The following VPS37A variants were observed in gnomAD, a reference collection of about 807,000 sequenced individuals.
VPS37A encodes VPS37A subunit of ESCRT-I, also known as vacuolar protein sorting-associated protein 37A.
Under a neutral mutation model 49.8 loss-of-function variants are expected in VPS37A, and 30 were observed. That is an observed-to-expected ratio of 0.60 (90% CI 0.45 to 0.82). VPS37A has a LOEUF of 0.82. Among genes scored for constraint, VPS37A ranks in the 40% least tolerant of loss-of-function variants. The pLI is 0.00. For synonymous variants in VPS37A, 195 were observed against 160.6 expected (o/e 1.21, Z -1.62); for missense variants, 593 against 464.4 (o/e 1.28, Z -2.55).
downstream of VPS37A, among the ~76,000 whole-genome samples, chr8:17,304,034 C>T (rs1817295265): frequency 1.3e-5 from 2 of 152,166 alleles, no homozygotes. Flanking sequence ...AACCTTAACA[C>T]GTCATGATCA....
chr8:17,248,423 C>T (rs1233826924), intron 1 of VPS37A: 3 of 453,420 alleles, frequency 6.6e-6, no homozygotes, highest in Non-Finnish European at 1.3e-5. Flanking sequence ...TACAGGTGCG[C>T]GCCACCATGC....
At chr8:17,265,420 A>G (rs1201720727) in intron 1 of VPS37A, among the ~76,000 whole-genome samples, 1 of 152,090 alleles carries the variant, frequency 6.6e-6, no homozygotes, top group African/African-American at 2.4e-5. Flanking sequence ...AAAAAAGGGG[A>G]TATTTGTTTT....
intron 1 of VPS37A, among the ~76,000 whole-genome samples, chr8:17,255,682 CACTA>C (rs1812385815): frequency 6.6e-6 from 1 of 152,148 alleles, no homozygotes; most frequent in African/African-American, 2.4e-5. Context: ...TATTTAAACT[CACTA>C]ATTAATTTCA....
intron 1 of VPS37A, among the ~76,000 whole-genome samples, chr8:17,250,176 A>G (rs563819012): frequency 2.6e-5 from 4 of 152,304 alleles, no homozygotes; most frequent in African/African-American, 9.6e-5. Context: ...GACTTCTTCA[A>G]TGGAGAAAGA....
intron 10 of VPS37A, 131 bp downstream of exon 10, chr8:17,284,747 C>T (rs1259692425): frequency 2.6e-6 from 3 of 1,157,206 alleles, no homozygotes; most frequent in African/African-American, 3.3e-5. Context: ...AATATATTTA[C>T]CTGAAAGGAA....
the VPS37A span, among the ~76,000 whole-genome samples, chr8:17,308,792 C>A: frequency 2.0e-5 from 3 of 152,154 alleles, no homozygotes; most frequent in Admixed American, 6.5e-5. Context: ...AATATCATGG[C>A]CTGGATCTGG....
At chr8:17,251,998 T>C (rs1812024609) in intron 1 of VPS37A, among the ~76,000 whole-genome samples, 1 of 152,174 alleles carries the variant, frequency 6.6e-6, no homozygotes, top group African/African-American at 2.4e-5. Context: ...TTCTATAGAA[T>C]TCATTCTCAG....
intron 1 of VPS37A, among the ~76,000 whole-genome samples, chr8:17,253,352 C>T (rs1052678418): frequency 1.3e-5 from 2 of 152,164 alleles, no homozygotes; most frequent in Non-Finnish European, 2.9e-5. Flanking sequence ...CACATTGCTG[C>T]CAGAGTAATC....
At chr8:17,333,420 G>A in the VPS37A span, among the ~76,000 whole-genome samples, 1 of 152,080 alleles carries the variant, frequency 6.6e-6, no homozygotes, top group South Asian at 2.1e-4. Context: ...TTTATAACAA[G>A]CATCATAAAT....
chr8:17,263,017 C>T (rs1322593358), intron 1 of VPS37A, among the ~76,000 whole-genome samples: 6 of 149,176 alleles, frequency 4.0e-5, no homozygotes, highest in Non-Finnish European at 7.4e-5. Context: ...GCCGAGATCT[C>T]GCCATTGCAC....
downstream of VPS37A, among the ~76,000 whole-genome samples, chr8:17,300,854 T>C (rs1817063658): frequency 6.6e-6 from 1 of 152,250 alleles, no homozygotes; most frequent in Admixed American, 6.5e-5. Flanking sequence ...TTTATATAAA[T>C]TGAATGGAAT....
chr8:17,275,057 C>A, intron 5 of VPS37A, 99 bp downstream of exon 5: 3 of 1,123,362 alleles, frequency 2.7e-6, no homozygotes, highest in Non-Finnish European at 2.5e-6. Flanking sequence ...ATAAGTTAGA[C>A]ACAAAATATG....
At chr8:17,307,492 T>C in the VPS37A span, among the ~76,000 whole-genome samples, 1 of 152,210 alleles carries the variant, frequency 6.6e-6, no homozygotes, top group East Asian at 1.9e-4. Flanking sequence ...TCCTCAGGGA[T>C]CTAGAACTAG....
intron 4 of VPS37A, among the ~76,000 whole-genome samples, chr8:17,273,689 A>G (rs904386641): frequency 6.6e-6 from 1 of 151,986 alleles, no homozygotes; most frequent in Non-Finnish European, 1.5e-5. Context: ...TCAAAGGACT[A>G]ATATTTCTGT....
At chr8:17,314,190 G>C in the VPS37A span, among the ~76,000 whole-genome samples, 2 of 152,028 alleles carry the variant, frequency 1.3e-5, no homozygotes, top group African/African-American at 4.8e-5. Context: ...TCACAAATAC[G>C]GCAATCCAAA....
the VPS37A span, among the ~76,000 whole-genome samples, chr8:17,317,817 G>A: frequency 6.6e-6 from 1 of 152,138 alleles, no homozygotes; most frequent in South Asian, 2.1e-4. Flanking sequence ...TCTAGTCTGT[G>A]GCATTACTTA....
the VPS37A span, among the ~76,000 whole-genome samples, chr8:17,321,772 C>G: frequency 6.6e-6 from 1 of 152,164 alleles, no homozygotes; most frequent in Non-Finnish European, 1.5e-5. Context: ...ATGGGGCTTA[C>G]TAATCCTGAG....
intron 10 of VPS37A, among the ~76,000 whole-genome samples, chr8:17,284,905 T>C (rs1327379587): frequency 6.6e-6 from 1 of 152,116 alleles, no homozygotes; most frequent in Non-Finnish European, 1.5e-5. Context: ...CTCTAAGATG[T>C]CCTTTTGATG....
In VPS37A at chr8:17,297,393, C is replaced by A. The variant is rs920793492; in HGVS notation, c.*2407C>A. 2 of 151,976 alleles carry A rather than the reference C, an allele frequency of 1.3e-5. No individual in the cohort carries two copies. The highest frequency in any genetic ancestry group is 4.8e-5 in the African/African-American group (2 of 41,412). The allele number at this position is 151,976 out of a possible 1,614,324, so 9.4% of individuals were successfully genotyped here. On this transcript the variant is annotated 3_prime_UTR_variant, in exon 12 of 12. Coordinates refer to ENST00000324849, the MANE Select transcript of VPS37A (RefSeq NM_152415.3). ...AGAGGGTGCTTGACACATATATATG[C>A]TTAAATTGAAGGACAGCTCAGATTC...
Sources: allele counts gnomAD v4.1 joint callset (sites outside exome capture counted in the v4.1 genomes callset), GRCh38; gene constraint gnomAD v4.1.1; transcripts MANE v1.5; gene names NCBI Gene and HGNC (gene_info 2026-07-23, HGNC 2026-07-21).